The following LRPPRC variants were observed in gnomAD, a reference collection of about 807,000 sequenced individuals.
LRPPRC encodes the protein leucine rich pentatricopeptide repeat containing.
In LRPPRC, 120 loss-of-function variants were observed where a neutral mutation model predicts 180.3. The observed-to-expected ratio is 0.67, with a 90% confidence interval of 0.57 to 0.77. The LOEUF (loss-of-function observed/expected upper bound fraction) is 0.77, where lower values mean the gene tolerates loss of function less well. Among genes scored for constraint, LRPPRC ranks in the 30% least tolerant of loss-of-function variants. The pLI is 0.00. For synonymous variants in LRPPRC, 723 were observed against 600.0 expected (o/e 1.21, Z -3.00); for missense variants, 2,012 against 1,657.2 (o/e 1.21, Z -3.72).
chr2:43,915,123 G>A (rs1479183505), intron 29 of LRPPRC, among the ~76,000 whole-genome samples: 1 of 149,728 alleles, frequency 6.7e-6, no homozygotes, highest in Non-Finnish European at 1.5e-5. Flanking sequence ...CCAGCTACTT[G>A]GGAGGCAGGA....
chr2:43,987,888 C>T (rs1306084565), intron 1 of LRPPRC, among the ~76,000 whole-genome samples: 1 of 151,998 alleles, frequency 6.6e-6, no homozygotes, highest in Non-Finnish European at 1.5e-5. Context: ...ATATTCTTAT[C>T]TAGTAATAAA....
intron 1 of LRPPRC, among the ~76,000 whole-genome samples, chr2:43,991,927 C>T (rs1559074379): frequency 6.6e-6 from 1 of 152,196 alleles, no homozygotes; most frequent in Non-Finnish European, 1.5e-5. Context: ...TTACCATATT[C>T]CTTCTTCAAT....
At chr2:43,940,244 A>T (rs935505293) in intron 23 of LRPPRC, among the ~76,000 whole-genome samples, 1 of 152,196 alleles carries the variant, frequency 6.6e-6, no homozygotes, top group African/African-American at 2.4e-5. Flanking sequence ...CTTTCAGCAC[A>T]TAAGGAGTTT....
chr2:43,993,604 G>C (rs1674883872), intron 1 of LRPPRC, among the ~76,000 whole-genome samples: 1 of 152,060 alleles, frequency 6.6e-6, no homozygotes, highest in South Asian at 2.1e-4. Flanking sequence ...AGGATGTCGG[G>C]TAGGAGACTA....
chr2:43,965,830 G>C (rs796739451), intron 11 of LRPPRC, among the ~76,000 whole-genome samples: 43 of 152,302 alleles, frequency 2.8e-4, no homozygotes, highest in African/African-American at 1.0e-3. Context: ...CCTTACACCT[G>C]TCAGAATGGC....
At chr2:43,922,054 G>C (rs1296773546) in intron 27 of LRPPRC, among the ~76,000 whole-genome samples, 4 of 152,170 alleles carry the variant, frequency 2.6e-5, no homozygotes, top group Non-Finnish European at 5.9e-5. Flanking sequence ...AAGCAAGTGA[G>C]GAAGTCATTT....
Position 43,934,307 on chromosome 2 carries a change from G to A in LRPPRC, c.2630-11C>T, listed in dbSNP as rs1215138009. 7.3e-7 allele frequency: 1 copy of A among 1,361,356 alleles called. No individual in the cohort carries two copies. Among genetic ancestry groups the A allele is most frequent in the Non-Finnish European group, 1.0e-6 (1 of 953,962 alleles). The allele number at this position is 1,361,356 out of a possible 1,614,324, so 84.3% of individuals were successfully genotyped here. ...TCACAAAGTCCATTGCTAGGTAGGA[G>A]AGAAAAAAATATATATATTAGGAGA... On this transcript the variant is annotated splice_polypyrimidine_tract_variant and intron_variant, in intron 24 of 37. Coordinates refer to ENST00000260665, the MANE Select transcript of LRPPRC (RefSeq NM_133259.4).
At chr2:43,962,736 G>A (rs564739532) in intron 12 of LRPPRC, among the ~76,000 whole-genome samples, 16 of 152,302 alleles carry the variant, frequency 1.1e-4, no homozygotes, top group African/African-American at 3.8e-4. Flanking sequence ...AAAAAAGAGA[G>A]AGAGACAGAA....
At chr2:43,991,033 T>TTTA (rs1353808855) in intron 1 of LRPPRC, among the ~76,000 whole-genome samples, 6 of 76,902 alleles carry the variant, frequency 7.8e-5, no homozygotes, top group African/African-American at 2.0e-4. Flanking sequence ...GATACTTTTA[T>TTTA]TTTTTTTTTT....
chr2:43,964,483 C>T (rs182580095), intron 11 of LRPPRC, among the ~76,000 whole-genome samples: 1 of 152,210 alleles, frequency 6.6e-6, no homozygotes, highest in African/African-American at 2.4e-5. Context: ...TCTTCAGCTT[C>T]ATTACTTTCA....
In LRPPRC at chr2:43,976,991, T is replaced by C; in HGVS notation, c.650+3A>G. On this transcript the variant is annotated splice_donor_region_variant and intron_variant, in intron 5 of 37. Coordinates refer to ENST00000260665, the MANE Select transcript of LRPPRC (RefSeq NM_133259.4). ...GCTTAAACATGTTCATACAGATCCA[T>C]ACCTGGCACCTTCAATATCTCCTAC... is the stretch of plus-strand genomic sequence containing the variant. 1.2e-6 allele frequency: 2 copies of C among 1,612,064 alleles called. No homozygotes were observed. The highest frequency in any genetic ancestry group is 2.2e-5 in the East Asian group (1 of 44,768).
At chr2:43,973,194 G>T (rs1384434981) in intron 11 of LRPPRC, among the ~76,000 whole-genome samples, 1 of 152,090 alleles carries the variant, frequency 6.6e-6, no homozygotes, top group Non-Finnish European at 1.5e-5. Context: ...CAGTTAAAAA[G>T]AAATAGATTG....
intron 25 of LRPPRC, among the ~76,000 whole-genome samples, chr2:43,933,637 A>C (rs1013969590): frequency 6.6e-6 from 1 of 152,174 alleles, no homozygotes; most frequent in African/African-American, 2.4e-5. Context: ...CCTAGATAAA[A>C]TATACTAATC....
At chr2:43,956,178 A>G (rs1262403951) in intron 14 of LRPPRC, among the ~76,000 whole-genome samples, 1 of 152,170 alleles carries the variant, frequency 6.6e-6, no homozygotes, top group Non-Finnish European at 1.5e-5. Context: ...AACAAACAAA[A>G]AAGCTAAGGA....
chr2:43,957,312 C>T (rs1673158555), intron 14 of LRPPRC, 73 bp downstream of exon 14: 9 of 968,946 alleles, frequency 9.3e-6, no homozygotes, highest in Non-Finnish European at 1.5e-5. Flanking sequence ...TATTTTTCCT[C>T]ATGCAATAAG....
Position 43,934,790 on chromosome 2 carries a change from G to A in LRPPRC, c.2593C>T (p.Leu865=), listed in dbSNP as rs1472806440. The A allele has an allele frequency of 1.1e-5, 17 of 1,611,954 alleles. No homozygotes were observed. Among genetic ancestry groups the A allele is most frequent in the Non-Finnish European group, 1.4e-5 (17 of 1,178,134 alleles). ...AGATCAGTCTCGCCTTTCTCTACCA[G>A]TTTACACAAGACATCATGAATCCTT... ...LPRIHDVLCK[L]VEKGETDLIQ... is the part of the protein sequence containing the mutation. Residue 865 remains leucine, a synonymous_variant, in exon 24 of 38, where the codon CTG becomes TTG. Transcript: ENST00000260665.
At chr2:43,972,092 T>C (rs1286434152) in intron 11 of LRPPRC, among the ~76,000 whole-genome samples, 1 of 152,132 alleles carries the variant, frequency 6.6e-6, no homozygotes, top group Non-Finnish European at 1.5e-5. Context: ...AAAAGCTGAA[T>C]ATGGAAGGGT....
chr2:43,891,980 G>A (rs916990591), intron 36 of LRPPRC, among the ~76,000 whole-genome samples: 4 of 152,198 alleles, frequency 2.6e-5, no homozygotes, highest in African/African-American at 7.2e-5. Context: ...TTATTGGTCC[G>A]GATAGAAGAT....
At chr2:43,957,621 T>C (rs1673175275) in intron 13 of LRPPRC, among the ~76,000 whole-genome samples, 170 bp from the exon 14 acceptor site, 1 of 152,230 alleles carries the variant, frequency 6.6e-6, no homozygotes, top group African/African-American at 2.4e-5. Flanking sequence ...GTAATATATA[T>C]CTGCAATATA....
Sources: gnomAD v4.1 joint callset for allele counts (sites outside exome capture counted in the v4.1 genomes callset) on GRCh38, gnomAD v4.1.1 for gene constraint, MANE v1.5 for transcripts, NCBI Gene and HGNC (gene_info 2026-07-23, HGNC 2026-07-21) for gene names.